CTNND2: variants seen among roughly 807,000 people sequenced by gnomAD.
The protein encoded by CTNND2 is catenin delta 2, also known as catenin delta-2.
In CTNND2, 22 loss-of-function variants were observed where a neutral mutation model predicts 144.4. That is an observed-to-expected ratio of 0.15 (90% CI 0.11 to 0.22). The LOEUF is 0.22. CTNND2 is among the 10% of genes least tolerant of loss of function. CTNND2 has a pLI of 1.00. For missense variants in CTNND2, 1,353 were observed against 1,618.8 expected (o/e 0.84, Z 2.82); for synonymous variants, 751 against 695.6 (o/e 1.08, Z -1.25).
intron 3 of CTNND2, among the ~76,000 whole-genome samples, chr5:11,482,459 A>G (rs934771421): frequency 2.0e-5 from 3 of 152,148 alleles, no homozygotes; most frequent in Admixed American, 6.5e-5. Flanking sequence ...TGCCCTTTAT[A>G]TGCTGACACT....
chr5:11,121,490 C>T (rs1754133612), intron 12 of CTNND2, among the ~76,000 whole-genome samples: 1 of 152,146 alleles, frequency 6.6e-6, no homozygotes, highest in South Asian at 2.1e-4. Flanking sequence ...CCTTTACAAT[C>T]GTGACTGAAT....
intron 2 of CTNND2, among the ~76,000 whole-genome samples, chr5:11,618,223 G>A (rs1780669718): frequency 6.6e-6 from 1 of 151,974 alleles, no homozygotes; most frequent in Non-Finnish European, 1.5e-5. Context: ...CAAAACACTT[G>A]GAGCTAGACG....
At chr5:11,815,122 C>T (rs1394625879) in intron 1 of CTNND2, among the ~76,000 whole-genome samples, 6 of 151,916 alleles carry the variant, frequency 3.9e-5, no homozygotes, top group Non-Finnish European at 5.9e-5. Context: ...TAAGAGACAA[C>T]AGATATCACT....
At chr5:11,442,216 T>C (rs1764331190) in intron 3 of CTNND2, among the ~76,000 whole-genome samples, 1 of 152,216 alleles carries the variant, frequency 6.6e-6, no homozygotes, top group African/African-American at 2.4e-5. Context: ...TATTATTTTA[T>C]AAAAATAAAA....
intron 16 of CTNND2, among the ~76,000 whole-genome samples, chr5:11,052,253 G>C (rs1485391541): frequency 6.6e-6 from 1 of 152,060 alleles, no homozygotes; most frequent in Non-Finnish European, 1.5e-5. Flanking sequence ...AGCAATTTTT[G>C]AGATGTGTAT....
At chr5:11,877,220 G>T (rs910288887) in intron 1 of CTNND2, among the ~76,000 whole-genome samples, 11 of 151,984 alleles carry the variant, frequency 7.2e-5, no homozygotes, top group Admixed American at 2.0e-4. Context: ...ATGCATATTT[G>T]TAATAACTGA....
chr5:11,067,629 A>C (rs1747755053), intron 16 of CTNND2, among the ~76,000 whole-genome samples: 1 of 152,188 alleles, frequency 6.6e-6, no homozygotes, highest in African/African-American at 2.4e-5. Flanking sequence ...ATGGTGAGAA[A>C]CTTAGACACC....
At chr5:11,278,569 G>A (rs1176904441) in intron 9 of CTNND2, among the ~76,000 whole-genome samples, 1 of 152,194 alleles carries the variant, frequency 6.6e-6, no homozygotes, top group Non-Finnish European at 1.5e-5. Flanking sequence ...CAGTGAGGAT[G>A]TGACATTTGA....
intron 3 of CTNND2, among the ~76,000 whole-genome samples, chr5:11,523,701 G>A (rs559084313): frequency 2.5e-4 from 38 of 152,226 alleles, no homozygotes; most frequent in African/African-American, 6.5e-4. Flanking sequence ...CTAATGCACC[G>A]GGGACTTCCT....
At chr5:11,146,386 G>A (rs1455905668) in intron 12 of CTNND2, among the ~76,000 whole-genome samples, 1 of 152,188 alleles carries the variant, frequency 6.6e-6, no homozygotes, top group Non-Finnish European at 1.5e-5. Flanking sequence ...GCAGCATCAT[G>A]GGAAAAGCAT....
chr5:10,973,195 ACT>A lies in CTNND2; in HGVS notation c.*256_*257del. The A allele has an allele frequency of 2.5e-6, 1 of 397,494 alleles. No homozygotes were observed. Among genetic ancestry groups the A allele is most frequent in the Non-Finnish European group, 4.4e-6 (1 of 225,496 alleles). 24.6% of individuals were successfully genotyped at this position (397,494 alleles called of 1,614,324 possible). On this transcript the variant is annotated 3_prime_UTR_variant, in exon 22 of 22. Transcript: ENST00000304623. The surrounding 1 kb of genome is among the most constrained non-coding windows in gnomAD (Gnocchi z 5.6). ...CGTTCAGTATAAAGCACTTCTCGTT[ACT>A]CTACAGCTCACGCTAGAAAGGTGCT...
chr5:10,987,818 G>A (rs1431166506), intron 20 of CTNND2, among the ~76,000 whole-genome samples: 1 of 151,646 alleles, frequency 6.6e-6, no homozygotes. Context: ...TGTCAATGAG[G>A]AAGAAATATG....
chr5:11,856,013 T>C (rs1017674922), intron 1 of CTNND2, among the ~76,000 whole-genome samples: 2 of 152,216 alleles, frequency 1.3e-5, no homozygotes, highest in Non-Finnish European at 2.9e-5. Context: ...ATGAATACTA[T>C]GTGCATTAAG....
intron 2 of CTNND2, among the ~76,000 whole-genome samples, chr5:11,609,926 C>G (rs1780233920): frequency 6.6e-6 from 1 of 152,204 alleles, no homozygotes; most frequent in Non-Finnish European, 1.5e-5. Flanking sequence ...CAGAATCACA[C>G]TGAGAATCTT....
intron 7 of CTNND2, among the ~76,000 whole-genome samples, chr5:11,372,913 C>T (rs185184372): frequency 7.2e-5 from 11 of 152,336 alleles, no homozygotes; most frequent in African/African-American, 1.9e-4. Context: ...CCATCAATGC[C>T]GTGGTCTCTC....
At chr5:11,509,565 T>C (rs1406430783) in intron 3 of CTNND2, among the ~76,000 whole-genome samples, 1 of 152,132 alleles carries the variant, frequency 6.6e-6, no homozygotes, top group Admixed American at 6.5e-5. Flanking sequence ...TATTTACATT[T>C]ATAGGATACA....
At chr5:11,208,783 C>T (rs1411861106) in intron 10 of CTNND2, among the ~76,000 whole-genome samples, 2 of 152,118 alleles carry the variant, frequency 1.3e-5, no homozygotes, top group South Asian at 2.1e-4. Context: ...AGGACCGATG[C>T]ACACACATTA....
At chr5:11,754,481 G>A (rs527716053) in intron 1 of CTNND2, among the ~76,000 whole-genome samples, 58 of 151,210 alleles carry the variant, frequency 3.8e-4, no homozygotes, top group Non-Finnish European at 7.4e-4. Context: ...AGATCTATTC[G>A]GTCAAGTGTG....
At chr5:11,889,231 T>C (rs1736786490) in intron 1 of CTNND2, among the ~76,000 whole-genome samples, 2 of 152,110 alleles carry the variant, frequency 1.3e-5, no homozygotes, top group African/African-American at 2.4e-5. Context: ...AATGCCACCT[T>C]CCACTGAGCT....
Sources: allele counts gnomAD v4.1 joint callset (sites outside exome capture counted in the v4.1 genomes callset), GRCh38; gene constraint gnomAD v4.1.1; non-coding constraint Gnocchi (gnomAD v3.1); transcripts MANE v1.5; gene names NCBI Gene and HGNC (gene_info 2026-07-23, HGNC 2026-07-21).